DHX29: variants seen among roughly 807,000 people sequenced by gnomAD.
DHX29 encodes DExH-box helicase 29, also known as ATP-dependent RNA helicase DHX29.
Under a neutral mutation model 167.9 loss-of-function variants are expected in DHX29, and 79 were observed. The observed-to-expected ratio is 0.47, with a 90% CI of 0.39 to 0.57. The LOEUF is 0.57. Ranked by LOEUF, DHX29 falls within the 20% of genes least tolerant of loss-of-function variation. DHX29 has a pLI of 0.00. For synonymous variants in DHX29, 530 were observed against 546.0 expected, an observed-to-expected ratio of 0.97 and a Z score of 0.41; for missense variants, 1,347 against 1,593.4, an observed-to-expected ratio of 0.85 and a Z score of 2.63.
intron 21 of DHX29, among the ~76,000 whole-genome samples, chr5:55,268,728 G>C (rs1244564867): frequency 6.6e-6 from 1 of 152,144 alleles, no homozygotes; most frequent in Admixed American, 6.5e-5. Flanking sequence ...TGTGCCCAGA[G>C]ACTCAGACAG....
At position 55,283,421 on chromosome 5, in the gene DHX29, C is replaced by G. The variant is rs1441359203; in HGVS notation, c.1747G>C (p.Glu583Gln). ...PVFKHRDSIV[E>Q]TLKRHRVVVV... ...ACTACCCGATGCCTTTTAAGAGTTT[C>G]AACAATTGAGTCCCGATGTTTAAAT... is the stretch of plus-strand genomic sequence containing the variant. Residue 583 changes from glutamate (E) to glutamine (Q), a missense_variant, in exon 11 of 27, where the codon GAA becomes CAA. Glu to Gln is a conservative substitution (Grantham distance 29). Transcript: ENST00000251636. The G allele has an allele frequency of 1.9e-6, 3 of 1,614,072 alleles. No individual in the cohort carries two copies. The African/African-American group carries it at 4.0e-5, about 22-fold the overall frequency.
intron 7 of DHX29, 129 bp from the exon 8 acceptor site, chr5:55,289,557 T>TA (rs1360118804): frequency 7.6e-5 from 50 of 659,236 alleles, no homozygotes; most frequent in Non-Finnish European, 8.5e-5. Flanking sequence ...TTAAAATGAT[T>TA]AAAAAAAACT....
In DHX29 at chr5:55,259,942, G is replaced by C. The variant is rs1171170855; in HGVS notation, c.3963C>G (p.Ala1321=). Residue 1321 remains alanine (A), a splice_region_variant and synonymous_variant, in exon 26 of 27, where the codon GCC becomes GCG. Coordinates refer to ENST00000251636, the MANE Select transcript of DHX29 (RefSeq NM_019030.4). ...LSIDGWIYFQ[A]PVKIAVIFKQ... ...TGAAAATGACAGCTATCTTTACAGG[G>C]GCCTGTTAAGAGGAGTTGAAAAAAT... The C allele has an allele frequency of 1.3e-6, 2 of 1,596,242 alleles. No individual in the cohort carries two copies. Among genetic ancestry groups the C allele is most frequent in the Non-Finnish European group, 1.7e-6 (2 of 1,164,576 alleles).
chr5:55,298,560 C>G, intron 2 of DHX29, 31 bp downstream of exon 2: 3 of 1,307,736 alleles, frequency 2.3e-6, no homozygotes, highest in South Asian at 1.2e-5. Flanking sequence ...GGAAACATTT[C>G]TTGAAATGAC....
rs778043408 is a variant in DHX29 at position 55,270,427 on chromosome 5, T to C, written c.3054A>G (p.Leu1018=). ...TTGAGATTACCATAATATGAAGGCA[T>C]AATTCCTCCAAAGGTACACGTAAGA... ...PEILRVPLEE[L]CLHIMKCNLG... is the part of the protein sequence containing the mutation. Residue 1018 remains leucine (L), a synonymous_variant, in exon 20 of 27, where the codon TTA becomes TTG. Transcript: ENST00000251636. 1.2e-6 allele frequency: 2 copies of C among 1,610,272 alleles called. No homozygotes were observed. The highest frequency in any genetic ancestry group is 8.5e-7 in the Non-Finnish European group (1 of 1,178,624).
chr5:55,256,538 C>A lies in DHX29; in HGVS notation c.4060G>T (p.Asp1354Tyr). 6.3e-7 allele frequency: 1 copy of A among 1,586,284 alleles called. No homozygotes were observed. Reference protein sequence around the residue: ...LENPKMSLENDKILQIITELI... With the variant: ...LENPKMSLENYKILQIITELI... ...TCCGTAATGATCTGCAGAATCTTGTCATCTGAGTGGAAGGAAAAAAAAAAG... is the reference window on the plus strand; with the variant it reads ...TCCGTAATGATCTGCAGAATCTTGTAATCTGAGTGGAAGGAAAAAAAAAAG... Residue 1354 changes from aspartate (D) to tyrosine (Y), a missense_variant and splice_region_variant, in exon 27 of 27, where the codon GAC becomes TAC. Transcript: ENST00000251636.
At chr5:55,272,209 C>G (rs888614666) in intron 17 of DHX29, 34 bp from the exon 18 acceptor site, 29 of 1,269,396 alleles carry the variant, frequency 2.3e-5, no homozygotes, top group Non-Finnish European at 3.0e-5. Context: ...AACATTTAGA[C>G]TACTTTCATG....
In DHX29 at chr5:55,272,899, A is replaced by G. The variant is rs111238774; in HGVS notation, c.2775+394T>C. Among the ~76,000 whole-genome samples the G allele has an allele frequency of 9.2e-3, 1,407 of 152,288 alleles. 21 individuals carry two copies. Among genetic ancestry groups the G allele is most frequent in the African/African-American group, 0.032 (1,330 of 41,566 alleles). ...ACTTATTAGCTTTGTGACCTACCCAATGGTTTATGTACAATAAAAATCATC... is the reference window on the plus strand; with the variant it reads ...ACTTATTAGCTTTGTGACCTACCCAGTGGTTTATGTACAATAAAAATCATC... On this transcript the variant is annotated intron_variant, in intron 17 of 26. Coordinates refer to ENST00000251636, the MANE Select transcript of DHX29 (RefSeq NM_019030.4).
intron 3 of DHX29, among the ~76,000 whole-genome samples, chr5:55,296,722 G>C (rs2111961556): frequency 6.6e-6 from 1 of 152,204 alleles, no homozygotes; most frequent in South Asian, 2.1e-4. Context: ...ATTCCACTGG[G>C]TGGACATATC....
rs893990982 is a variant in DHX29 at position 55,274,630 on chromosome 5, T to C, written c.2674A>G (p.Arg892Gly). The C allele has an allele frequency of 5.0e-6, 8 of 1,595,896 alleles. No individual in the cohort carries two copies. The African/African-American group carries it at 5.4e-5, about 11-fold the overall frequency. ...QLYDLLSNDR[R>G]FYSERYKVIA... is the part of the protein sequence containing the mutation. ...AGTAGTTACCGTTCAGAATAAAATC[T>C]TCTATCATTTGATAGAAGATCATAC... The change falls in exon 16 of 27, where the codon AGA (arginine) becomes GGA (glycine). Residue 892 changes from arginine (R) to glycine (G), a missense_variant. This residue lies in a region of DHX29 where 882 missense variants were observed against 1,082.4 expected (regional missense o/e 0.81). Coordinates refer to ENST00000251636, the MANE Select transcript of DHX29 (RefSeq NM_019030.4).
At chr5:55,278,326 GGTTAAGT>G (rs1747227529) in intron 12 of DHX29, among the ~76,000 whole-genome samples, 1 of 152,180 alleles carries the variant, frequency 6.6e-6, no homozygotes, top group Non-Finnish European at 1.5e-5. Flanking sequence ...AGGCAGTAGG[GGTTAAGT>G]GTTCAGACTC....
intron 24 of DHX29, among the ~76,000 whole-genome samples, chr5:55,261,880 C>T (rs1044712618): frequency 5.9e-5 from 9 of 151,960 alleles, no homozygotes; most frequent in East Asian, 1.9e-4. Context: ...AGTAATCTCT[C>T]GTTTTACATT....
intron 1 of DHX29, among the ~76,000 whole-genome samples, chr5:55,303,563 A>G (rs1218849506): frequency 6.6e-6 from 1 of 152,158 alleles, no homozygotes; most frequent in Non-Finnish European, 1.5e-5. Context: ...TTTCTCCTCT[A>G]CTTAATACCA....
At chr5:55,264,855 G>C (rs1488050553) in intron 23 of DHX29, among the ~76,000 whole-genome samples, 1 of 151,894 alleles carries the variant, frequency 6.6e-6, no homozygotes, top group East Asian at 1.9e-4. Context: ...TGTACCTCAG[G>C]GTATTCAAAT....
In DHX29 at chr5:55,273,293, C is replaced by T. The variant is rs754255039; in HGVS notation, c.2775G>A (p.Lys925=). 1 of 1,586,712 alleles carries T rather than the reference C, an allele frequency of 6.3e-7. No homozygotes were observed. Among genetic ancestry groups the T allele is most frequent in the Non-Finnish European group, 8.6e-7 (1 of 1,164,894 alleles). The change falls in exon 17 of 27, where the codon AAG becomes AAA. Residue 925 remains lysine (K), a splice_region_variant and synonymous_variant. Transcript: ENST00000251636. ...ATAAATTTGCTGTACTAAATTTTAC[C>T]TTCCTGACTCCTGGAGGGGGAAGTG... is the stretch of plus-strand genomic sequence containing the variant. The part of the protein sequence containing the change: ...AFTLPPPGVR[K]IVLATNIAET...
At chr5:55,291,597 A>G (rs1293259235) in intron 6 of DHX29, among the ~76,000 whole-genome samples, 1 of 152,194 alleles carries the variant, frequency 6.6e-6, no homozygotes, top group Non-Finnish European at 1.5e-5. Flanking sequence ...ATAATGTTGT[A>G]CAACCAGCAC....
intron 8 of DHX29, among the ~76,000 whole-genome samples, chr5:55,286,877 T>G (rs1169135945): frequency 1.3e-5 from 2 of 152,208 alleles, no homozygotes; most frequent in African/African-American, 4.8e-5. Flanking sequence ...GATATTCCAA[T>G]GTACCCTCTC....
chr5:55,258,940 A>G (rs1746178840), intron 26 of DHX29, among the ~76,000 whole-genome samples: 2 of 152,216 alleles, frequency 1.3e-5, no homozygotes, highest in Non-Finnish European at 2.9e-5. Context: ...TGGAAAAACC[A>G]TGCTGAAATA....
chr5:55,282,753 A>T (rs560250978), intron 11 of DHX29, among the ~76,000 whole-genome samples: 1 of 151,636 alleles, frequency 6.6e-6, no homozygotes, highest in African/African-American at 2.4e-5. Flanking sequence ...TTTTTTTTTT[A>T]AATATGGGGT....
Sources: allele counts gnomAD v4.1 joint callset (sites outside exome capture counted in the v4.1 genomes callset), GRCh38; gene constraint gnomAD v4.1.1; regional missense constraint gnomAD v4.1.1; transcripts MANE v1.5; gene names NCBI Gene and HGNC (gene_info 2026-07-23, HGNC 2026-07-21).